The following SCUBE3 variants were observed in gnomAD, a reference collection of about 807,000 sequenced individuals.
SCUBE3 encodes signal peptide, CUB domain and EGF like domain containing 3.
In SCUBE3, 33 loss-of-function variants were observed where a neutral mutation model predicts 116.8. The observed-to-expected ratio is 0.28, with a 90% confidence interval of 0.21 to 0.38. The LOEUF (loss-of-function observed/expected upper bound fraction) is 0.38. Ranked by LOEUF, SCUBE3 falls within the 10% of genes least tolerant of loss-of-function variation. SCUBE3 has a pLI of 1.00. For missense variants in SCUBE3, 1,007 were observed against 1,324.8 expected (o/e 0.76, Z 3.72); for synonymous variants, 418 against 496.9 (o/e 0.84, Z 2.11).
At chr6:35,248,177 T>TAGA (rs55774115) in intron 21 of SCUBE3, among the ~76,000 whole-genome samples, 119,640 of 151,940 alleles carry the variant, frequency 0.79, 47,712 homozygotes, top group Non-Finnish European at 0.85. Flanking sequence ...GGGACAAAGG[T>TAGA]AGCATGGAGA....
In SCUBE3 at chr6:35,231,940, C is replaced by A; in HGVS notation, c.469+81C>A. 8.1e-7 allele frequency: 1 copy of A among 1,232,084 alleles called. No homozygotes were observed. Among genetic ancestry groups the A allele is most frequent in the African/African-American group, 1.5e-5 (1 of 67,326 alleles). The allele number at this position is 1,232,084 out of a possible 1,614,324, so 76.3% of individuals were successfully genotyped here. ...AGCTGTCCCTCAGCAGCCCCTAAGT[C>A]TCACCCTCCATTCTCAACTCAGCTA... On this transcript the variant is annotated intron_variant, in intron 4 of 21. Transcript: ENST00000274938. The surrounding 1 kb of genome is among the most constrained non-coding windows in gnomAD (Gnocchi z 4.2).
intron 1 of SCUBE3, among the ~76,000 whole-genome samples, chr6:35,217,232 G>T (rs1782942480): frequency 1.3e-4 from 2 of 15,110 alleles, no homozygotes; most frequent in African/African-American, 2.7e-4. Context: ...CGGGGGGGGG[G>T]GGGGCGGGGG....
chr6:35,225,329 A>T (rs1783283620), intron 1 of SCUBE3, among the ~76,000 whole-genome samples: 1 of 152,262 alleles, frequency 6.6e-6, no homozygotes, highest in Non-Finnish European at 1.5e-5. Context: ...CCAGTGCTTA[A>T]GATCGTTCTG....
Position 35,248,825 on chromosome 6 carries a change from T to C in SCUBE3, c.*120T>C, listed in dbSNP as rs918478294. The C allele has an allele frequency of 5.3e-6, 4 of 754,576 alleles. No individual in the cohort carries two copies. Among genetic ancestry groups the C allele is most frequent in the African/African-American group, 5.3e-5 (3 of 57,072 alleles). 46.7% of individuals were successfully genotyped at this position (754,576 alleles called of 1,614,324 possible). A position where few individuals can be genotyped will look rare whatever the true frequency, so the allele number is the denominator to read the frequency against. On this transcript the variant is annotated 3_prime_UTR_variant, in exon 22 of 22. Coordinates refer to ENST00000274938, the MANE Select transcript of SCUBE3 (RefSeq NM_152753.4). ...TCTCTTTTTGGAGGGAAAAAAAAAA[T>C]ATCACTACACAAACCAGGCACTCTC...
rs1784238452 is a variant in SCUBE3, at chr6:35,244,377, TCTC to T, written c.2239+252_2239+254del. ...CCACTTTGGAGAACTGGTGGCATATTCTCCTCCATATCCCAAATGAGTTTCTAT... is the reference window on the plus strand; with the variant it reads ...CCACTTTGGAGAACTGGTGGCATATTCTCCATATCCCAAATGAGTTTCTAT... On this transcript the variant is annotated intron_variant, in intron 17 of 21. Transcript: ENST00000274938. The surrounding 1 kb of genome is among the most constrained non-coding windows in gnomAD (Gnocchi z 4.3). 6.6e-6 allele frequency among the ~76,000 whole-genome samples: 1 copy of T among 152,118 alleles called. No homozygotes were observed. Among genetic ancestry groups the T allele is most frequent in the Non-Finnish European group, 1.5e-5 (1 of 68,016 alleles).
intron 21 of SCUBE3, among the ~76,000 whole-genome samples, chr6:35,247,332 G>A (rs1784384514): frequency 6.6e-6 from 1 of 151,278 alleles, no homozygotes; most frequent in Non-Finnish European, 1.5e-5. Flanking sequence ...CAGCTACTCG[G>A]GACCCTGAGG....
rs564410570 is a variant in SCUBE3, at chr6:35,227,962, A to C, written c.208+260A>C. Reference sequence around the variant, plus strand: ...AACCTGGCTGGGGTGGGAGCATGAAAATCATAAGACTAAGACCTGAGGTTC... The same window carrying C: ...AACCTGGCTGGGGTGGGAGCATGAACATCATAAGACTAAGACCTGAGGTTC... On this transcript the variant is annotated intron_variant, in intron 2 of 21. Transcript: ENST00000274938. Among the ~76,000 whole-genome samples, 25 of 152,296 alleles carry C rather than the reference A, an allele frequency of 1.6e-4. 5 individuals carry two copies. Among genetic ancestry groups the C allele is most frequent in the African/African-American group, 5.3e-4 (22 of 41,554 alleles).
Position 35,241,894 on chromosome 6 carries a change from C to T in SCUBE3, c.1401C>T (p.Asn467=), listed in dbSNP as rs1784077353. The T allele has an allele frequency of 3.1e-6, 5 of 1,608,196 alleles. No individual in the cohort carries two copies. The highest frequency in any genetic ancestry group is 1.7e-5 in the Admixed American group (1 of 60,010). Reference sequence around the variant, plus strand: ...CTGGCCACAATGGGAACAGCACCAACTCCAACCACTGCCATGGTAAGCACC... The same window carrying T: ...CTGGCCACAATGGGAACAGCACCAATTCCAACCACTGCCATGGTAAGCACC... The part of the protein sequence containing the change: ...ARAGHNGNST[N]SNHCHEAAVL... Residue 467 remains asparagine, a synonymous_variant, in exon 12 of 22, where the codon AAC becomes AAT. Coordinates refer to ENST00000274938, the MANE Select transcript of SCUBE3 (RefSeq NM_152753.4). This position sits in a 1 kb window ranked among gnomAD's most constrained non-coding sequence, Gnocchi z 4.1.
chr6:35,247,341 G>A (rs977289385), intron 21 of SCUBE3, among the ~76,000 whole-genome samples: 10 of 151,498 alleles, frequency 6.6e-5, no homozygotes, highest in Non-Finnish European at 2.9e-5. Context: ...GGGACCCTGA[G>A]GCAGGAGAAT....
chr6:35,230,409 G>C (rs1290743295), intron 3 of SCUBE3, among the ~76,000 whole-genome samples: 2 of 152,212 alleles, frequency 1.3e-5, no homozygotes, highest in Admixed American at 6.5e-5. Context: ...AGATTACCTA[G>C]GGTTAGGGTT....
rs751888001 is a variant in SCUBE3, at chr6:35,227,701, A to C, written c.207A>C (p.Lys69Asn). The change falls in exon 2 of 22, where the codon AAA becomes AAC. Residue 69 changes from lysine to asparagine, a missense_variant and splice_region_variant. By Grantham distance (94) the Lys-to-Asn change is moderately conservative. Transcript: ENST00000274938. ...ACACAGGGGACGGCAAACACTGCAA[A>C]GGTGAGGCTGGAAGGGCACCTGGAG... ...SGYTGDGKHCKDVDECEREDN... is the reference protein window; with the variant it reads ...SGYTGDGKHCNDVDECEREDN... The C allele has an allele frequency of 6.2e-7, 1 of 1,614,114 alleles. No homozygotes were observed. The highest frequency in any genetic ancestry group is 1.1e-5 in the South Asian group (1 of 91,088).
rs560074826 is a variant in SCUBE3 at position 35,239,970 on chromosome 6, A to G, written c.952+96A>G. 1,705 of 1,088,402 alleles carry G rather than the reference A, an allele frequency of 1.6e-3. 40 individuals carry two copies. In the South Asian group the frequency reaches 0.029, roughly 18 times the overall value. The allele number at this position is 1,088,402 out of a possible 1,614,324, so 67.4% of individuals were successfully genotyped here. A position where few individuals can be genotyped will look rare whatever the true frequency, so the allele number is the denominator to read the frequency against. On this transcript the variant is annotated intron_variant, in intron 8 of 21. Coordinates refer to ENST00000274938, the MANE Select transcript of SCUBE3 (RefSeq NM_152753.4). The surrounding 1 kb of genome is among the most constrained non-coding windows in gnomAD (Gnocchi z 4.1). ...GGCTAAAGTCTTAGAAACTCAATAGATATCACACAGAGTCTCTAGAGGCAG... is the reference window on the plus strand; with the variant it reads ...GGCTAAAGTCTTAGAAACTCAATAGGTATCACACAGAGTCTCTAGAGGCAG...
chr6:35,246,980 A>AAAAAAC (rs1324163337), intron 21 of SCUBE3, among the ~76,000 whole-genome samples: 2 of 151,966 alleles, frequency 1.3e-5, no homozygotes, highest in Non-Finnish European at 1.5e-5. Flanking sequence ...CCCTGTCTCA[A>AAAAAAC]AAAAACAAAA....
chr6:35,215,244 C>T (rs1422994227), intron 1 of SCUBE3, among the ~76,000 whole-genome samples: 3 of 152,050 alleles, frequency 2.0e-5, no homozygotes, highest in African/African-American at 7.3e-5. Flanking sequence ...AGTAGAATTC[C>T]AGGCCGGGGA....
Position 35,214,351 on chromosome 6 carries a change from C to A in SCUBE3, c.-68C>A. The A allele has an allele frequency of 9.6e-7, 1 of 1,037,904 alleles. No homozygotes were observed. The highest frequency in any genetic ancestry group is 2.4e-5 in the South Asian group (1 of 41,268). The allele number at this position is 1,037,904 out of a possible 1,614,324, so 64.3% of individuals were successfully genotyped here. A position where few individuals can be genotyped will look rare whatever the true frequency, so the allele number is the denominator to read the frequency against. On this transcript the variant is annotated 5_prime_UTR_variant, in exon 1 of 22. Transcript: ENST00000274938. This position sits in a 1 kb window ranked among gnomAD's most constrained non-coding sequence, Gnocchi z 6.3. ...CCTCCCCCTCCTGCGAGCTGGGATC[C>A]GGCCGGCTTCCGCCCTCCCCTGGCC...
intron 1 of SCUBE3, 129 bp from the exon 2 acceptor site, chr6:35,227,451 C>T (rs991633853): frequency 4.3e-6 from 4 of 927,692 alleles, no homozygotes; most frequent in Non-Finnish European, 6.7e-6. Flanking sequence ...TGAGACAGCA[C>T]CTGTTTCTGG....
Position 35,250,915 on chromosome 6 carries a change from T to A in SCUBE3, c.*2210T>A, listed in dbSNP as rs1784531592. On this transcript the variant is annotated 3_prime_UTR_variant, in exon 22 of 22. Transcript: ENST00000274938. ...TAGCCAATGACACAGCTAGATTCCCTGACAACCATTAGCCAACATCATGGT... is the reference window on the plus strand; with the variant it reads ...TAGCCAATGACACAGCTAGATTCCCAGACAACCATTAGCCAACATCATGGT... 6.6e-6 allele frequency: 1 copy of A among 152,186 alleles called. No individual in the cohort carries two copies. Among genetic ancestry groups the A allele is most frequent in the South Asian group, 2.1e-4 (1 of 4,828 alleles). 9.4% of individuals were successfully genotyped at this position (152,186 alleles called of 1,614,324 possible). A position where few individuals can be genotyped will look rare whatever the true frequency, so the allele number is the denominator to read the frequency against.
rs992875024 is a variant in SCUBE3, at chr6:35,245,727, C to T, written c.2600-217C>T. On this transcript the variant is annotated intron_variant, in intron 19 of 21. Coordinates refer to ENST00000274938, the MANE Select transcript of SCUBE3 (RefSeq NM_152753.4). The surrounding 1 kb of genome is among the most constrained non-coding windows in gnomAD (Gnocchi z 4.2). ...ATTCATTTAAATGTCATATTTATTA[C>T]ACTATGTGAGTGCCCAGGTATCAAG... Among the ~76,000 whole-genome samples the T allele has an allele frequency of 1.3e-5, 2 of 152,160 alleles. No homozygotes were observed. Among genetic ancestry groups the T allele is most frequent in the African/African-American group, 4.8e-5 (2 of 41,420 alleles).
chr6:35,226,479 C>CTTTTTT (rs1562044702), intron 1 of SCUBE3, among the ~76,000 whole-genome samples: 9 of 52,180 alleles, frequency 1.7e-4, no homozygotes, highest in African/African-American at 4.4e-4. Flanking sequence ...TTTTCTATGT[C>CTTTTTT]CTTTTTTTTT....
Sources: allele counts gnomAD v4.1 joint callset (sites outside exome capture counted in the v4.1 genomes callset), GRCh38; gene constraint gnomAD v4.1.1; non-coding constraint Gnocchi (gnomAD v3.1); transcripts MANE v1.5; gene names NCBI Gene and HGNC (gene_info 2026-07-23, HGNC 2026-07-21).